The following CASKIN1 variants were observed in gnomAD, a reference collection of about 807,000 sequenced individuals.
CASKIN1 encodes the protein CASK interacting protein 1, also known as caskin-1.
In CASKIN1, 42 loss-of-function variants were observed where a neutral mutation model predicts 117.5. The observed-to-expected ratio is 0.36, with a 90% CI of 0.28 to 0.46. The LOEUF (loss-of-function observed/expected upper bound fraction) is 0.46. Among genes scored for constraint, CASKIN1 ranks in the 20% least tolerant of loss-of-function variants. The probability of loss-of-function intolerance (pLI) is 1.00; values close to 1 mark genes in which losing one functional copy is unlikely to be tolerated. For missense variants in CASKIN1, 2,083 were observed against 2,077.3 expected (o/e 1.00, Z -0.05); for synonymous variants, 1,148 against 961.7 (o/e 1.19, Z -3.59).
chr16:2,179,420 G>C lies in CASKIN1; in HGVS notation c.3776-95C>G. On this transcript the variant is annotated intron_variant, in intron 18 of 19. Transcript: ENST00000343516. The surrounding 1 kb of genome is among the most constrained non-coding windows in gnomAD (Gnocchi z 5.8). ...CGCGGCTTCCTCCCCAGCGGACCGGGAAAGACCCTGCTCACCTTGCCCCCA... is the reference window on the plus strand; with the variant it reads ...CGCGGCTTCCTCCCCAGCGGACCGGCAAAGACCCTGCTCACCTTGCCCCCA... The C allele has an allele frequency of 1.5e-6, 2 of 1,336,998 alleles. No individual in the cohort carries two copies. Among genetic ancestry groups the C allele is most frequent in the East Asian group, 5.9e-5 (2 of 33,772 alleles). The allele number at this position is 1,336,998 out of a possible 1,614,324, so 82.8% of individuals were successfully genotyped here.
chr16:2,178,400 G>A lies in CASKIN1; in HGVS notation c.*150C>T. 1 of 507,834 alleles carries A rather than the reference G, an allele frequency of 2.0e-6. No individual in the cohort carries two copies. The highest frequency in any genetic ancestry group is 3.3e-6 in the Non-Finnish European group (1 of 302,818). 31.5% of individuals were successfully genotyped at this position (507,834 alleles called of 1,614,324 possible). On this transcript the variant is annotated 3_prime_UTR_variant, in exon 20 of 20. Transcript: ENST00000343516. ...GCCCCCGGCCAGGCGGTCCCCGGTG[G>A]GCGCCCCGGCCCGGGTCCAGGGGCC...
intron 14 of CASKIN1, 119 bp from the exon 15 acceptor site, chr16:2,184,060 T>C: frequency 1.5e-6 from 1 of 647,712 alleles, no homozygotes; most frequent in Non-Finnish European, 2.6e-6. Context: ...CGTCCGCTGC[T>C]CCATCTGCAG....
Position 2,183,750 on chromosome 16 carries a change from A to C in CASKIN1, c.1528-3T>G, listed in dbSNP as rs1276195976. 6.2e-7 allele frequency: 1 copy of C among 1,613,234 alleles called. No homozygotes were observed. The highest frequency in any genetic ancestry group is 1.1e-5 in the South Asian group (1 of 91,088). On this transcript the variant is annotated splice_polypyrimidine_tract_variant and splice_region_variant and intron_variant, in intron 15 of 19. Coordinates refer to ENST00000343516, the MANE Select transcript of CASKIN1 (RefSeq NM_020764.4). Reference sequence around the variant, plus strand: ...GTGACACCAATGGCCGTGAGGTCCTAGGCAGTGGGGAGGCTTGTCAGCTAG... The same window carrying C: ...GTGACACCAATGGCCGTGAGGTCCTCGGCAGTGGGGAGGCTTGTCAGCTAG...
At position 2,196,382 on chromosome 16, in the gene CASKIN1, C is replaced by A. The variant is rs1436889605; in HGVS notation, c.51G>T (p.Gly17=). The A allele has an allele frequency of 2.9e-6, 4 of 1,374,922 alleles. No individual in the cohort carries two copies. Among genetic ancestry groups the A allele is most frequent in the Non-Finnish European group, 2.9e-6 (3 of 1,051,694 alleles). 85.2% of individuals were successfully genotyped at this position (1,374,922 alleles called of 1,614,324 possible). A position where few individuals can be genotyped will look rare whatever the true frequency, so the allele number is the denominator to read the frequency against. The part of the protein sequence containing the change: ...LVQAVKAEDV[G]TAQRLLQRPR... ...GCCTCTGCAGCAGCCTCTGCGCGGT[C>A]CCTACGTCCTCCGCCTTCACCGCCT... Residue 17 remains glycine, a synonymous_variant, in exon 1 of 20, where the codon GGG becomes GGT. Transcript: ENST00000343516. This position sits in a 1 kb window ranked among gnomAD's most constrained non-coding sequence, Gnocchi z 5.7.
rs766443603 is a variant in CASKIN1, at chr16:2,189,412, G to T, written c.390+7C>A. On this transcript the variant is annotated splice_region_variant and intron_variant, in intron 4 of 19. Transcript: ENST00000343516. ...CCCCCGCTGCCCCGCCCCCGCTCGGGCCTCACCACATCATAGTGACCATGC... is the reference window on the plus strand; with the variant it reads ...CCCCCGCTGCCCCGCCCCCGCTCGGTCCTCACCACATCATAGTGACCATGC... The T allele has an allele frequency of 6.2e-7, 1 of 1,610,874 alleles. No homozygotes were observed. The highest frequency in any genetic ancestry group is 1.1e-5 in the South Asian group (1 of 90,922).
rs2093147461 is a variant in CASKIN1, at chr16:2,177,928, A to G, written c.*622T>C. ...TGGGGCCTCCACTCTGGCCGGAGGA[A>G]GGACCGCAGGCAGACAGCCTGGGCC... On this transcript the variant is annotated 3_prime_UTR_variant, in exon 20 of 20. Coordinates refer to ENST00000343516, the MANE Select transcript of CASKIN1 (RefSeq NM_020764.4). 4 of 341,410 alleles carry G rather than the reference A, an allele frequency of 1.2e-5. No homozygotes were observed. The South Asian group carries it at 1.2e-4, about 10-fold the overall frequency. The allele number at this position is 341,410 out of a possible 1,614,324, so 21.1% of individuals were successfully genotyped here. A position where few individuals can be genotyped will look rare whatever the true frequency, so the allele number is the denominator to read the frequency against.
At position 2,178,578 on chromosome 16, in the gene CASKIN1, G is replaced by A; in HGVS notation, c.4268C>T (p.Ala1423Val). ...DDIGSMFDDL[A>V]DQLDAMLE Reference sequence around the variant, plus strand: ...CTCCAGCATGGCATCCAGCTGGTCGGCCAGGTCGTCGAACATGCTGCCGAT... The same window carrying A: ...CTCCAGCATGGCATCCAGCTGGTCGACCAGGTCGTCGAACATGCTGCCGAT... The change falls in exon 20 of 20, where the codon GCC becomes GTC. Residue 1423 changes from alanine (A) to valine (V), a missense_variant. Physicochemically the swap from Ala to Val is moderately conservative, Grantham distance 64. This residue lies in a region of CASKIN1 where 1,818 missense variants were observed against 1,688.9 expected (regional missense o/e 1.08). Transcript: ENST00000343516. 2 of 1,596,930 alleles carry A rather than the reference G, an allele frequency of 1.3e-6. No homozygotes were observed. The highest frequency in any genetic ancestry group is 1.1e-5 in the South Asian group (1 of 90,142).
Position 2,179,297 on chromosome 16 carries a change from C to T in CASKIN1, c.3804G>A (p.Pro1268=), listed in dbSNP as rs867454845. The T allele has an allele frequency of 1.5e-5, 18 of 1,229,394 alleles. No homozygotes were observed. In the African/African-American group the frequency reaches 2.2e-4, roughly 15 times the overall value. 76.2% of individuals were successfully genotyped at this position (1,229,394 alleles called of 1,614,324 possible). The change falls in exon 19 of 20, where the codon CCG becomes CCA. Residue 1268 remains proline, a synonymous_variant. Coordinates refer to ENST00000343516, the MANE Select transcript of CASKIN1 (RefSeq NM_020764.4). This position sits in a 1 kb window ranked among gnomAD's most constrained non-coding sequence, Gnocchi z 5.8. Reference sequence around the variant, plus strand: ...GCGGCGGCGGCTTGGGAGACACGGGCGGTGGCGTGCCGTGGGCGCGCTTCA... The same window carrying T: ...GCGGCGGCGGCTTGGGAGACACGGGTGGTGGCGTGCCGTGGGCGCGCTTCA... ...PEVKRAHGTP[P]PVSPKPPPPP...
rs779872632 is a variant in CASKIN1, at chr16:2,185,226, G to A, written c.1151-27C>T. ...TGCCAGCACAAGGGAGCAAGATGAG[G>A]CCAGTGCCGGCCCCTGCCTGGCCCC... On this transcript the variant is annotated intron_variant, in intron 11 of 19. Coordinates refer to ENST00000343516, the MANE Select transcript of CASKIN1 (RefSeq NM_020764.4). 5.0e-6 allele frequency: 8 copies of A among 1,607,124 alleles called. No individual in the cohort carries two copies. In the Admixed American group the frequency reaches 1.2e-4, roughly 24 times the overall value.
At chr16:2,194,980 GAC>G (rs2093211531) in intron 1 of CASKIN1, among the ~76,000 whole-genome samples, 1 of 152,232 alleles carries the variant, frequency 6.6e-6, no homozygotes, top group Non-Finnish European at 1.5e-5. Flanking sequence ...CCATCCTACA[GAC>G]GAGGAGACTG....
intron 3 of CASKIN1, among the ~76,000 whole-genome samples, 165 bp from the exon 4 acceptor site, chr16:2,189,729 CG>C (rs1295893245): frequency 1.3e-5 from 2 of 148,854 alleles, no homozygotes; most frequent in East Asian, 3.9e-4. Context: ...GGGTTGGGGG[CG>C]GGGGTTTGCT....
chr16:2,179,697 G>C lies in CASKIN1; in HGVS notation c.3671C>G (p.Pro1224Arg). 1 of 1,522,094 alleles carries C rather than the reference G, an allele frequency of 6.6e-7. No homozygotes were observed. The highest frequency in any genetic ancestry group is 8.8e-7 in the Non-Finnish European group (1 of 1,142,374). The allele number at this position is 1,522,094 out of a possible 1,614,324, so 94.3% of individuals were successfully genotyped here. ...PEGEARKPAK[P>R]PVSPKPVLTQ... is the part of the protein sequence containing the mutation. The stretch of plus-strand genomic sequence containing the variant: ...CAGGACGGGCTTGGGAGAGACAGGC[G>C]GCTTGGCCGGCTTCCGGGCTTCGCC... The change falls in exon 18 of 20, where the codon CCG becomes CGG. Residue 1224 changes from proline to arginine, a missense_variant. Physicochemically the swap from Pro to Arg is moderately radical, Grantham distance 103 (BLOSUM62 -2). Around this residue, in one of 3 missense-constraint regions of CASKIN1, gnomAD observed 1,818 missense variants for 1,688.9 expected, o/e 1.08. Transcript: ENST00000343516. This position sits in a 1 kb window ranked among gnomAD's most constrained non-coding sequence, Gnocchi z 5.8.
intron 1 of CASKIN1, among the ~76,000 whole-genome samples, chr16:2,194,129 G>C (rs1015221819): frequency 6.6e-6 from 1 of 152,224 alleles, no homozygotes; most frequent in Non-Finnish European, 1.5e-5. Context: ...CAGGCTAGAA[G>C]GGAGCTACTA....
chr16:2,183,532 C>G, intron 16 of CASKIN1, 114 bp downstream of exon 16: 2 of 1,008,586 alleles, frequency 2.0e-6, no homozygotes, highest in South Asian at 3.1e-5. Flanking sequence ...CTCCACTCTC[C>G]TCTCCCTCAA....
intron 1 of CASKIN1, among the ~76,000 whole-genome samples, chr16:2,190,613 C>T (rs1044289828): frequency 6.6e-5 from 10 of 152,188 alleles, no homozygotes; most frequent in African/African-American, 2.4e-4. Flanking sequence ...GGACTCCGGC[C>T]TGGAGTCCTT....
intron 1 of CASKIN1, among the ~76,000 whole-genome samples, chr16:2,192,752 T>G (rs1180287091): frequency 6.6e-6 from 1 of 152,154 alleles, no homozygotes; most frequent in Non-Finnish European, 1.5e-5. Flanking sequence ...GTCAACCTCC[T>G]TCTGCTCTTG....
Position 2,178,645 on chromosome 16 carries a change from C to A in CASKIN1, c.4201G>T (p.Asp1401Tyr), listed in dbSNP as rs1270733006. 14 of 1,586,640 alleles carry A rather than the reference C, an allele frequency of 8.8e-6. No individual in the cohort carries two copies. The highest frequency in any genetic ancestry group is 2.3e-5 in the East Asian group (1 of 43,070). ...IRQEDAQGPR[D>Y]SAAEKSTGSI... is the part of the protein sequence containing the mutation. ...CCAGTGCTCTTTTCCGCCGCCGAGT[C>A]GCTGCGGGGCGCGGGGCAAGGGGCG... The change falls in exon 20 of 20, where the codon GAC becomes TAC. Residue 1401 changes from aspartate (D) to tyrosine (Y), a missense_variant and splice_region_variant. Around this residue, in one of 3 missense-constraint regions of CASKIN1, gnomAD observed 1,818 missense variants for 1,688.9 expected, o/e 1.08. Coordinates refer to ENST00000343516, the MANE Select transcript of CASKIN1 (RefSeq NM_020764.4).
chr16:2,183,978 C>T (rs769200664), intron 14 of CASKIN1, 37 bp from the exon 15 acceptor site: 2 of 1,396,438 alleles, frequency 1.4e-6, no homozygotes, highest in Non-Finnish European at 1.9e-6. Context: ...GGCTCGCCTG[C>T]CCGGCCGCGC....
Position 2,178,657 on chromosome 16 carries a change from C to A in CASKIN1, c.4200-11G>T, listed in dbSNP as rs370403987. 2,673 of 1,579,210 alleles carry A rather than the reference C, an allele frequency of 1.7e-3. 60 individuals are homozygous for A. In the South Asian group the frequency reaches 0.025, roughly 15 times the overall value. On this transcript the variant is annotated splice_polypyrimidine_tract_variant and intron_variant, in intron 19 of 19. Transcript: ENST00000343516. ...TCCGCCGCCGAGTCGCTGCGGGGCGCGGGGCAAGGGGCGTGAGTGGGCGGG... is the reference window on the plus strand; with the variant it reads ...TCCGCCGCCGAGTCGCTGCGGGGCGAGGGGCAAGGGGCGTGAGTGGGCGGG...
Sources: gnomAD v4.1 joint callset for allele counts (sites outside exome capture counted in the v4.1 genomes callset) on GRCh38, gnomAD v4.1.1 for gene constraint, gnomAD v4.1.1 regional missense constraint, Gnocchi (gnomAD v3.1) non-coding constraint, MANE v1.5 for transcripts, NCBI Gene and HGNC (gene_info 2026-07-23, HGNC 2026-07-21) for gene names.